Variants in CARF observed in about 807,000 individuals in gnomAD.
The protein encoded by CARF is calcium-responsive transcription factor.
Under a neutral mutation model 82.0 loss-of-function variants are expected in CARF, and 57 were observed. The ratio of observed to expected loss-of-function variants is 0.70; its 90% CI spans 0.56 to 0.87. The LOEUF (loss-of-function observed/expected upper bound fraction) is 0.87. Ranked by LOEUF, CARF falls within the 40% of genes least tolerant of loss-of-function variation. CARF has a pLI of 0.00. For missense variants in CARF, 771 were observed against 855.8 expected (o/e 0.90, Z 1.24); for synonymous variants, 268 against 290.1 (o/e 0.92, Z 0.77).
At chr2:202,918,398 A>C (rs1216019200) in intron 2 of CARF, among the ~76,000 whole-genome samples, 2 of 151,954 alleles carry the variant, frequency 1.3e-5, no homozygotes, top group Non-Finnish European at 2.9e-5. Flanking sequence ...GCGGGCGCCT[A>C]TAGTCCCAGC....
At chr2:202,933,781 A>G (rs567196648) in intron 3 of CARF, among the ~76,000 whole-genome samples, 3 of 152,252 alleles carry the variant, frequency 2.0e-5, no homozygotes, top group Non-Finnish European at 2.9e-5. Flanking sequence ...GTATATTGCT[A>G]TTAACTGTAG....
chr2:202,932,224 C>A (rs1678953685), intron 3 of CARF, among the ~76,000 whole-genome samples: 1 of 152,200 alleles, frequency 6.6e-6, no homozygotes, highest in South Asian at 2.1e-4. Flanking sequence ...CCACCTCCAA[C>A]ATTGGGGGTT....
chr2:202,961,244 G>T lies in CARF; in HGVS notation c.650G>T (p.Gly217Val). Residue 217 changes from glycine to valine, a missense_variant, in exon 9 of 17, where the codon GGA becomes GTA. Transcript: ENST00000438828. ...ACRLRSCEKI[G>V]DSYRGYCVSE... ...AATTTCTACCACATGCAGAAAATTG[G>T]AGATTCATACCGTGGCTACTGTGTA... is the stretch of plus-strand genomic sequence containing the variant. The T allele has an allele frequency of 1.3e-6, 2 of 1,599,184 alleles. No individual in the cohort carries two copies. The highest frequency in any genetic ancestry group is 1.7e-6 in the Non-Finnish European group (2 of 1,171,312).
intron 7 of CARF, among the ~76,000 whole-genome samples, chr2:202,954,785 G>A (rs1160542036): frequency 5.4e-5 from 8 of 149,120 alleles, no homozygotes; most frequent in Non-Finnish European, 4.5e-5. Flanking sequence ...CAAGGCAGGC[G>A]GATCACGAGG....
At chr2:202,927,150 C>T (rs1026943879) in intron 3 of CARF, among the ~76,000 whole-genome samples, 33 of 151,986 alleles carry the variant, frequency 2.2e-4, no homozygotes, top group Non-Finnish European at 4.4e-5. Flanking sequence ...TCTCTGGAGG[C>T]CTGTCCTTCC....
At chr2:202,936,066 A>G (rs1693882500) in intron 3 of CARF, among the ~76,000 whole-genome samples, 1 of 151,790 alleles carries the variant, frequency 6.6e-6, no homozygotes. Flanking sequence ...CCTGTTCTCA[A>G]GTAATCCTCC....
At chr2:202,952,429 C>A in intron 5 of CARF, 130 bp from the exon 6 acceptor site, 1 of 870,000 alleles carries the variant, frequency 1.1e-6, no homozygotes, top group Non-Finnish European at 1.7e-6. Context: ...ATGTTTTCAT[C>A]TATAAAATGG....
At chr2:202,920,376 T>C (rs1273271729) in intron 2 of CARF, among the ~76,000 whole-genome samples, 1 of 152,116 alleles carries the variant, frequency 6.6e-6, no homozygotes, top group Non-Finnish European at 1.5e-5. Context: ...ATGATGGTCT[T>C]GATCTCCTGA....
At chr2:202,967,501 A>G (rs547850893) in intron 10 of CARF, among the ~76,000 whole-genome samples, 1 of 152,340 alleles carries the variant, frequency 6.6e-6, no homozygotes, top group Admixed American at 6.5e-5. Flanking sequence ...GTTACATACT[A>G]GTGTGAATGT....
At chr2:202,955,517 ATAAC>A (rs2058994384) in intron 7 of CARF, among the ~76,000 whole-genome samples, 153 bp from the exon 8 acceptor site, 1 of 152,270 alleles carries the variant, frequency 6.6e-6, no homozygotes, top group South Asian at 2.1e-4. Context: ...AAAGAAAATA[ATAAC>A]TAATGCACCC....
intron 3 of CARF, 98 bp from the exon 4 acceptor site, chr2:202,941,762 A>AG (rs2058239960): frequency 3.7e-6 from 2 of 541,186 alleles, no homozygotes; most frequent in African/African-American, 3.8e-5. Context: ...TAAATTATAT[A>AG]GGGTACCACA....
intron 12 of CARF, among the ~76,000 whole-genome samples, 187 bp from the exon 13 acceptor site, chr2:202,974,147 C>T (rs973080638): frequency 4.6e-5 from 7 of 152,140 alleles, no homozygotes; most frequent in African/African-American, 1.7e-4. Flanking sequence ...GAAAATATTA[C>T]ATTTCTATAG....
At chr2:202,976,561 A>G (rs1230722928) in intron 13 of CARF, among the ~76,000 whole-genome samples, 1 of 152,202 alleles carries the variant, frequency 6.6e-6, no homozygotes, top group Non-Finnish European at 1.5e-5. Context: ...TTAATTACCC[A>G]GAAACAACTA....
At chr2:202,970,956 G>A (rs913026420) in intron 11 of CARF, among the ~76,000 whole-genome samples, 1 of 151,628 alleles carries the variant, frequency 6.6e-6, no homozygotes, top group Non-Finnish European at 1.5e-5. Flanking sequence ...GTGCTGTAGA[G>A]GCAGTATGTT....
intron 5 of CARF, among the ~76,000 whole-genome samples, chr2:202,948,579 A>G (rs568963996): frequency 6.6e-6 from 1 of 151,898 alleles, no homozygotes; most frequent in South Asian, 2.1e-4. Flanking sequence ...CCTTCTTGTA[A>G]TCCTAGGTAT....
chr2:202,939,231 C>T (rs2058099021), intron 3 of CARF, among the ~76,000 whole-genome samples: 1 of 152,010 alleles, frequency 6.6e-6, no homozygotes, highest in African/African-American at 2.4e-5. Flanking sequence ...ACAGATGATC[C>T]CTGACTTATA....
At chr2:202,927,504 C>A (rs1422352771) in intron 3 of CARF, among the ~76,000 whole-genome samples, 1 of 151,954 alleles carries the variant, frequency 6.6e-6, no homozygotes, top group African/African-American at 2.4e-5. Flanking sequence ...ATTCTTGCAG[C>A]AGTTTTCAAG....
intron 5 of CARF, 123 bp downstream of exon 5, chr2:202,943,090 A>G (rs2058311194): frequency 1.3e-6 from 1 of 777,686 alleles, no homozygotes; most frequent in Non-Finnish European, 2.0e-6. Context: ...TTTATTTTTG[A>G]GATGGAGTTC....
intron 5 of CARF, among the ~76,000 whole-genome samples, chr2:202,943,735 C>T (rs1414348249): frequency 6.6e-6 from 1 of 151,956 alleles, no homozygotes; most frequent in African/African-American, 2.4e-5. Flanking sequence ...GCAACCTCCG[C>T]CTCCCGGGTT....
Sources: allele counts gnomAD v4.1 joint callset (sites outside exome capture counted in the v4.1 genomes callset), GRCh38; gene constraint gnomAD v4.1.1; transcripts MANE v1.5; gene names NCBI Gene and HGNC (gene_info 2026-07-23, HGNC 2026-07-21).